Variants in KIAA0232 observed in about 807,000 individuals in gnomAD.
KIAA0232 encodes KIAA0232.
In KIAA0232, 27 loss-of-function variants were observed where a neutral mutation model predicts 122.0. That is an observed-to-expected ratio of 0.22 (90% confidence interval 0.16 to 0.31). The LOEUF is 0.31. Among genes scored for constraint, KIAA0232 ranks in the 10% least tolerant of loss-of-function variants. The pLI is 1.00. For missense variants in KIAA0232, 1,551 were observed against 1,634.2 expected, an observed-to-expected ratio of 0.95 and a Z score of 0.88; for synonymous variants, 613 against 587.6, an observed-to-expected ratio of 1.04 and a Z score of -0.63.
chr4:6,876,057 T>G (rs1008353332), intron 8 of KIAA0232, among the ~76,000 whole-genome samples: 8 of 152,366 alleles, frequency 5.3e-5, no homozygotes, highest in Admixed American at 2.6e-4. Context: ...GTTTGATATC[T>G]TCTCATCCCA....
rs758747994 is a variant in KIAA0232, at chr4:6,863,459, G to A, written c.3077G>A (p.Gly1026Asp). 2.5e-6 allele frequency: 4 copies of A among 1,614,120 alleles called. No individual in the cohort carries two copies. The highest frequency in any genetic ancestry group is 3.4e-6 in the Non-Finnish European group (4 of 1,180,026). Reference protein sequence around the residue: ...IFHEDLLGACGNFQVEDPGLE... With the variant: ...IFHEDLLGACDNFQVEDPGLE... ...CATGAAGACTTACTAGGAGCTTGTG[G>A]CAACTTTCAAGTCGAAGATCCTGGA... is the stretch of plus-strand genomic sequence containing the variant. The change falls in exon 7 of 10, where the codon GGC becomes GAC. Residue 1026 changes from glycine to aspartate, a missense_variant. This residue lies in a region of KIAA0232 where 1,108 missense variants were observed against 1,154.8 expected (regional missense o/e 0.96). Coordinates refer to ENST00000307659, the MANE Select transcript of KIAA0232 (RefSeq NM_014743.3).
rs565844621 is a variant in KIAA0232 at position 6,862,942 on chromosome 4, G to A, written c.2560G>A (p.Asp854Asn). ...AACTGATGCTGAGTTGTTTTCGGCA[G>A]ATGTAAATAACTACTGCTGCTGTCT... ...ERTDAELFSADVNNYCCCLDA... is the reference protein window; with the variant it reads ...ERTDAELFSANVNNYCCCLDA... Residue 854 changes from aspartate to asparagine, a missense_variant, in exon 7 of 10, where the codon GAT (aspartate) becomes AAT (asparagine). Coordinates refer to ENST00000307659, the MANE Select transcript of KIAA0232 (RefSeq NM_014743.3). 1.2e-6 allele frequency: 2 copies of A among 1,614,202 alleles called. No homozygotes were observed. Among genetic ancestry groups the A allele is most frequent in the African/African-American group, 1.3e-5 (1 of 75,040 alleles).
At chr4:6,813,653 C>T (rs1324439994) in intron 2 of KIAA0232, among the ~76,000 whole-genome samples, 9 of 152,112 alleles carry the variant, frequency 5.9e-5, no homozygotes, top group South Asian at 2.1e-4. Context: ...TGAGCCACCG[C>T]GCCTGGCCAG....
intron 1 of KIAA0232, among the ~76,000 whole-genome samples, chr4:6,802,035 T>G (rs1239975897): frequency 6.6e-6 from 1 of 152,322 alleles, no homozygotes; most frequent in East Asian, 1.9e-4. Flanking sequence ...AGTTCCTTCA[T>G]GAGTGTCACA....
chr4:6,802,281 A>T (rs577596691), intron 1 of KIAA0232, among the ~76,000 whole-genome samples: 1 of 152,152 alleles, frequency 6.6e-6, no homozygotes. Context: ...AGTCAGGATG[A>T]CTTGCCTGGA....
chr4:6,784,846 G>A (rs976909609), intron 1 of KIAA0232, among the ~76,000 whole-genome samples: 5 of 151,958 alleles, frequency 3.3e-5, no homozygotes, highest in Admixed American at 1.3e-4. Context: ...TGGAGAAAAA[G>A]TATAGGTCTT....
Position 6,876,724 on chromosome 4 carries a change from C to A in KIAA0232, c.3975C>A (p.Pro1325=). The A allele has an allele frequency of 6.2e-7, 1 of 1,612,894 alleles. No homozygotes were observed. The highest frequency in any genetic ancestry group is 1.1e-5 in the South Asian group (1 of 91,046). Residue 1325 remains proline (P), a synonymous_variant, in exon 9 of 10, where the codon CCC becomes CCA. Coordinates refer to ENST00000307659, the MANE Select transcript of KIAA0232 (RefSeq NM_014743.3). ...LEEYPDAKET[P]SNEERLLDFN... is the part of the protein sequence containing the mutation. ...AATATCCAGATGCTAAAGAGACACCCAGTAATGAAGAGCGCCTGTTAGATT... is the reference window on the plus strand; with the variant it reads ...AATATCCAGATGCTAAAGAGACACCAAGTAATGAAGAGCGCCTGTTAGATT...
rs745655799 is a variant in KIAA0232, at chr4:6,861,052, G to T, written c.670G>T (p.Asp224Tyr). ...TAGCACAGATACTTCCTCTCCTAAG[G>T]ACTGCAACAGTGAAAGTGAAGTCAC... ...PASTDTSSPK[D>Y]CNSESEVTKE... Residue 224 changes from aspartate to tyrosine, a missense_variant, in exon 7 of 10, where the codon GAC (aspartate) becomes TAC (tyrosine). By Grantham distance (160) the Asp-to-Tyr change is radical (BLOSUM62 -3). Around this residue, in one of 5 missense-constraint regions of KIAA0232, gnomAD observed 377 missense variants for 381.7 expected, o/e 0.99. Coordinates refer to ENST00000307659, the MANE Select transcript of KIAA0232 (RefSeq NM_014743.3). 1 of 1,614,128 alleles carries T rather than the reference G, an allele frequency of 6.2e-7. No individual in the cohort carries two copies.
At chr4:6,849,489 A>G (rs1720153353) in intron 4 of KIAA0232, among the ~76,000 whole-genome samples, 1 of 152,192 alleles carries the variant, frequency 6.6e-6, no homozygotes, top group South Asian at 2.1e-4. Flanking sequence ...GGTGGCGCCC[A>G]CCCATAATCC....
At position 6,810,190 on chromosome 4, in the gene KIAA0232, A is replaced by G. The variant is rs561260052; in HGVS notation, c.-270+5584A>G. Among the ~76,000 whole-genome samples, 49 of 151,240 alleles carry G rather than the reference A, an allele frequency of 3.2e-4. 1 individual carries two copies. Among genetic ancestry groups the G allele is most frequent in the South Asian group, 2.3e-3 (11 of 4,830 alleles). On this transcript the variant is annotated intron_variant, in intron 2 of 9. Transcript: ENST00000307659. ...TGACTTCAAATTATATTACAAGGGT[A>G]TAGTAACCGAAACAGCATGGTACTG...
chr4:6,806,740 A>G (rs1365086336), intron 2 of KIAA0232, among the ~76,000 whole-genome samples: 48 of 105,482 alleles, frequency 4.6e-4, no homozygotes, highest in African/African-American at 1.8e-3. Context: ...TCCCTCTCAA[A>G]AAAAAAAAAA....
chr4:6,784,154 A>C lies in KIAA0232; in HGVS notation c.-354+1313A>C, dbSNP rs546793031. Among the ~76,000 whole-genome samples, 3 of 151,770 alleles carry C rather than the reference A, an allele frequency of 2.0e-5. No homozygotes were observed. In the East Asian group the frequency reaches 5.8e-4, roughly 29 times the overall value. Reference sequence around the variant, plus strand: ...AGAGGAGGCATGCGAGATTCTTTGGAAAAAATTATATAAATGTAGTTCTTG... The same window carrying C: ...AGAGGAGGCATGCGAGATTCTTTGGCAAAAATTATATAAATGTAGTTCTTG... On this transcript the variant is annotated intron_variant, in intron 1 of 9. Transcript: ENST00000307659.
chr4:6,844,080 C>T (rs2108746311), intron 4 of KIAA0232, among the ~76,000 whole-genome samples: 1 of 151,770 alleles, frequency 6.6e-6, no homozygotes, highest in East Asian at 2.0e-4. Context: ...GCTGGGACTA[C>T]AGGCGCCCGC....
chr4:6,796,322 G>A (rs1480469461), intron 1 of KIAA0232, among the ~76,000 whole-genome samples: 1 of 151,880 alleles, frequency 6.6e-6, no homozygotes. Context: ...GCTCACTGCA[G>A]CCTCTGCCTC....
At chr4:6,821,198 A>G (rs1466273146) in intron 2 of KIAA0232, among the ~76,000 whole-genome samples, 1 of 152,148 alleles carries the variant, frequency 6.6e-6, no homozygotes, top group Non-Finnish European at 1.5e-5. Context: ...TTTCATTTTG[A>G]AAGTTTTTAA....
chr4:6,791,950 G>A (rs969644408), intron 1 of KIAA0232, among the ~76,000 whole-genome samples: 3 of 152,124 alleles, frequency 2.0e-5, no homozygotes, highest in Admixed American at 1.3e-4. Flanking sequence ...TAGTGAATAC[G>A]TCTCATGAGA....
At chr4:6,790,032 A>G (rs79141783) in intron 1 of KIAA0232, among the ~76,000 whole-genome samples, 3 of 149,442 alleles carry the variant, frequency 2.0e-5, no homozygotes, top group Non-Finnish European at 4.5e-5. Flanking sequence ...CTGTCTCAAG[A>G]AAAAAAAAAG....
At chr4:6,869,015 A>G (rs1475900477) in intron 7 of KIAA0232, among the ~76,000 whole-genome samples, 1 of 152,212 alleles carries the variant, frequency 6.6e-6, no homozygotes, top group East Asian at 1.9e-4. Flanking sequence ...GTCAGCAGAC[A>G]CTGAGTATCT....
intron 1 of KIAA0232, among the ~76,000 whole-genome samples, chr4:6,802,285 G>T (rs1717417749): frequency 1.3e-5 from 2 of 152,192 alleles, no homozygotes; most frequent in Non-Finnish European, 2.9e-5. Flanking sequence ...AGGATGACTT[G>T]CCTGGAAGAG....
Sources: gnomAD v4.1 joint callset for allele counts (sites outside exome capture counted in the v4.1 genomes callset) on GRCh38, gnomAD v4.1.1 for gene constraint, gnomAD v4.1.1 regional missense constraint, MANE v1.5 for transcripts, NCBI Gene and HGNC (gene_info 2026-07-23, HGNC 2026-07-21) for gene names.